The following EPS8L1 variants were observed in gnomAD, a reference collection of about 807,000 sequenced individuals.
The protein encoded by EPS8L1 is epidermal growth factor receptor kinase substrate 8-like protein 1.
Under a neutral mutation model 91.7 loss-of-function variants are expected in EPS8L1, and 101 were observed. The observed-to-expected ratio is 1.10, with a 90% CI of 0.94 to 1.30. EPS8L1 has a LOEUF of 1.30. Among genes scored for constraint, EPS8L1 ranks in the 50% most tolerant of loss-of-function variants. The pLI, the probability that EPS8L1 is intolerant of heterozygous loss-of-function variation, is 0.00. For missense variants in EPS8L1, 1,114 were observed against 1,017.0 expected, an observed-to-expected ratio of 1.10 and a Z score of -1.30; for synonymous variants, 506 against 445.3, an observed-to-expected ratio of 1.14 and a Z score of -1.72.
chr19:55,083,322 CG>C lies in EPS8L1; in HGVS notation c.1215-55del. The C allele has an allele frequency of 6.3e-7, 1 of 1,581,594 alleles. No individual in the cohort carries two copies. Among genetic ancestry groups the C allele is most frequent in the South Asian group, 1.1e-5 (1 of 88,406 alleles). On this transcript the variant is annotated intron_variant, in intron 12 of 19. Coordinates refer to ENST00000201647, the MANE Select transcript of EPS8L1 (RefSeq NM_133180.3). This position sits in a 1 kb window ranked among gnomAD's most constrained non-coding sequence, Gnocchi z 4.7. Reference sequence around the variant, plus strand: ...AAACTTAGTGAAGTTAATGCAGGAACGAAGTTGGGGGCTGTATCAGGATCCC... The same window carrying C: ...AAACTTAGTGAAGTTAATGCAGGAACAAGTTGGGGGCTGTATCAGGATCCC...
rs552338158 is a variant in EPS8L1, at chr19:55,082,130, G to T, written c.940G>T (p.Ala314Ser). ...GCTGCGGGCCAAGCCGCCCTCGGAG[G>T]CCGAGTACACCGACGTGCTGCAGAA... is the stretch of plus-strand genomic sequence containing the variant. ...LTLRAKPPSE[A>S]EYTDVLQKIK... Residue 314 changes from alanine (A) to serine (S), a missense_variant, in exon 10 of 20, where the codon GCC becomes TCC. Ala to Ser is a moderately conservative substitution (Grantham distance 99, BLOSUM62 1). Coordinates refer to ENST00000201647, the MANE Select transcript of EPS8L1 (RefSeq NM_133180.3). 60 of 1,603,542 alleles carry T rather than the reference G, an allele frequency of 3.7e-5. 1 individual carries two copies. In the South Asian group the frequency reaches 6.6e-4, roughly 18 times the overall value.
chr19:55,086,385 C>G lies in EPS8L1; in HGVS notation c.1651-7C>G, dbSNP rs750143018. ...TAACCCAGGTACTCTCCTCTCCTTC[C>G]TTTCAGAACAGCACTCCTCCTCCAC... On this transcript the variant is annotated splice_polypyrimidine_tract_variant and splice_region_variant and intron_variant, in intron 16 of 19. Transcript: ENST00000201647. The G allele has an allele frequency of 8.8e-6, 14 of 1,585,228 alleles. No homozygotes were observed. The South Asian group carries it at 1.6e-4, about 18-fold the overall frequency.
Position 55,081,584 on chromosome 19 carries a change from G to A in EPS8L1, c.774+92G>A. ...GGGCGGGGCCGGCTGCGGGACGGGC[G>A]TTCTCTGGTCAGACTTCTGCGTTAT... On this transcript the variant is annotated intron_variant, in intron 8 of 19. Coordinates refer to ENST00000201647, the MANE Select transcript of EPS8L1 (RefSeq NM_133180.3). This position sits in a 1 kb window ranked among gnomAD's most constrained non-coding sequence, Gnocchi z 4.9. 1.2e-5 allele frequency: 17 copies of A among 1,425,550 alleles called. No homozygotes were observed. The highest frequency in any genetic ancestry group is 1.5e-5 in the Non-Finnish European group (16 of 1,079,786). The allele number at this position is 1,425,550 out of a possible 1,614,324, so 88.3% of individuals were successfully genotyped here. A position where few individuals can be genotyped will look rare whatever the true frequency, so the allele number is the denominator to read the frequency against.
In EPS8L1 at chr19:55,087,847, G is replaced by C. The variant is rs1295429057; in HGVS notation, c.*233G>C. 5.4e-6 allele frequency: 3 copies of C among 556,128 alleles called. No individual in the cohort carries two copies. The highest frequency in any genetic ancestry group is 9.7e-6 in the Non-Finnish European group (3 of 308,934). The allele number at this position is 556,128 out of a possible 1,614,324, so 34.4% of individuals were successfully genotyped here. On this transcript the variant is annotated 3_prime_UTR_variant, in exon 20 of 20. Transcript: ENST00000201647. ...AGACAGTCTACGGAAAGCGCTAGCAGACCCCCGAGAGGGTGCAGTGGAGCC... is the reference window on the plus strand; with the variant it reads ...AGACAGTCTACGGAAAGCGCTAGCACACCCCCGAGAGGGTGCAGTGGAGCC...
Position 55,076,451 on chromosome 19 carries a change from AC to A in EPS8L1, c.9del (p.Ala4ProfsTer39), listed in dbSNP as rs1443563621. The A allele has an allele frequency of 6.2e-7, 1 of 1,612,248 alleles. No homozygotes were observed. MSTATGPEAAPKP... is the reference protein window; with the variant it reads MSXATGPEAAPKP... The stretch of plus-strand genomic sequence containing the variant: ...GGAGCTACCACTCAGCACCATGAGC[AC>A]CGCCACAGGGTAAGCGCCCCCGGAC... On this transcript the variant is annotated frameshift_variant, in exon 2 of 20. Transcript: ENST00000201647. LOFTEE classifies it high-confidence loss of function.
In EPS8L1 at chr19:55,083,798, C is replaced by G; in HGVS notation, c.1385+154C>G. On this transcript the variant is annotated intron_variant, in intron 14 of 19. Transcript: ENST00000201647. This position sits in a 1 kb window ranked among gnomAD's most constrained non-coding sequence, Gnocchi z 4.7. ...GAGATGGTGATGGGGCGGGCCGGGG[C>G]TGGGAGAGAGGGAGGAGCAGGGTGG... 7 of 218,386 alleles carry G rather than the reference C, an allele frequency of 3.2e-5. No homozygotes were observed. Among genetic ancestry groups the G allele is most frequent in the East Asian group, 1.5e-4 (1 of 6,486 alleles). 13.5% of individuals were successfully genotyped at this position (218,386 alleles called of 1,614,324 possible). A position where few individuals can be genotyped will look rare whatever the true frequency, so the allele number is the denominator to read the frequency against.
rs2076255401 is a variant in EPS8L1 at position 55,081,357 on chromosome 19, G to T, written c.639G>T (p.Gln213His). ...VERGAGRGRP[Q>H]AKPIPEAEEA... ...GGGGCGCGGGCCGCGGACGACCCCA[G>T]GCGAAGCCCATTCCCGAGGCAGAGG... The change falls in exon 8 of 20, where the codon CAG (glutamine) becomes CAT (histidine). Residue 213 changes from glutamine to histidine, a missense_variant. Physicochemically the swap from Gln to His is conservative, Grantham distance 24 (BLOSUM62 0). Transcript: ENST00000201647. The surrounding 1 kb of genome is among the most constrained non-coding windows in gnomAD (Gnocchi z 4.9). 30 of 1,567,044 alleles carry T rather than the reference G, an allele frequency of 1.9e-5. No individual in the cohort carries two copies. Among genetic ancestry groups the T allele is most frequent in the Non-Finnish European group, 2.4e-5 (28 of 1,160,240 alleles).
In EPS8L1 at chr19:55,081,902, A is replaced by G. The variant is rs765867437; in HGVS notation, c.901+3A>G. Reference sequence around the variant, plus strand: ...GAGCCGGCGCCGGGCGGCTGGGGGTAAGGGGCACCCTGGCGTGGGATCTGA... The same window carrying G: ...GAGCCGGCGCCGGGCGGCTGGGGGTGAGGGGCACCCTGGCGTGGGATCTGA... On this transcript the variant is annotated splice_donor_region_variant and intron_variant, in intron 9 of 19. Transcript: ENST00000201647. This position sits in a 1 kb window ranked among gnomAD's most constrained non-coding sequence, Gnocchi z 4.9. The G allele has an allele frequency of 3.1e-6, 5 of 1,606,702 alleles. No homozygotes were observed. Among genetic ancestry groups the G allele is most frequent in the Non-Finnish European group, 4.3e-6 (5 of 1,175,686 alleles).
chr19:55,086,626 C>G (rs2076355070), intron 17 of EPS8L1, 88 bp from the exon 18 acceptor site: 1 of 1,512,016 alleles, frequency 6.6e-7, no homozygotes, highest in Admixed American at 2.1e-5. Flanking sequence ...ATTCTGGGGA[C>G]GCTGGAGCGC....
rs763672973 is a variant in EPS8L1 at position 55,082,549 on chromosome 19, T to C, written c.1161T>C (p.Thr387=). The C allele has an allele frequency of 7.5e-6, 12 of 1,604,868 alleles. No individual in the cohort carries two copies. Among genetic ancestry groups the C allele is most frequent in the Non-Finnish European group, 1.0e-5 (12 of 1,176,404 alleles). Reference sequence around the variant, plus strand: ...TGGCGCTGCTGCGGGACAACGTCACTCCACGTGAAAACGAGCTCTGGACCT... The same window carrying C: ...TGGCGCTGCTGCGGGACAACGTCACCCCACGTGAAAACGAGCTCTGGACCT... The part of the protein sequence containing the change: ...DAVALLRDNV[T]PRENELWTSL... Residue 387 remains threonine, a synonymous_variant, in exon 12 of 20, where the codon ACT becomes ACC. Coordinates refer to ENST00000201647, the MANE Select transcript of EPS8L1 (RefSeq NM_133180.3).
At chr19:55,079,905 T>A (rs2076218203) in intron 5 of EPS8L1, 54 bp downstream of exon 5, 3 of 1,538,942 alleles carry the variant, frequency 1.9e-6, no homozygotes, top group Non-Finnish European at 8.8e-7. Flanking sequence ...CTTCAGGGGG[T>A]CTGGGTGTGA....
chr19:55,077,340 G>C (rs57336055), intron 2 of EPS8L1, among the ~76,000 whole-genome samples: 1 of 152,030 alleles, frequency 6.6e-6, no homozygotes, highest in Non-Finnish European at 1.5e-5. Context: ...AGCATCTTAA[G>C]AATGATAATA....
intron 3 of EPS8L1, 59 bp from the exon 4 acceptor site, chr19:55,078,939 GT>G: frequency 6.3e-7 from 1 of 1,575,302 alleles, no homozygotes; most frequent in South Asian, 1.1e-5. Context: ...GGACTCCTGG[GT>G]CTGATGGAGG....
At chr19:55,079,891 G>A in intron 5 of EPS8L1, 40 bp downstream of exon 5, 3 of 1,564,726 alleles carry the variant, frequency 1.9e-6, no homozygotes, top group Middle Eastern at 3.6e-4. Context: ...GTCTGGGGCA[G>A]GGACTTCAGG....
intron 4 of EPS8L1, 159 bp from the exon 5 acceptor site, chr19:55,079,531 G>GC: frequency 1.2e-6 from 1 of 812,792 alleles, no homozygotes; most frequent in Non-Finnish European, 1.9e-6. Flanking sequence ...GAAACAAAGG[G>GC]CACTGGGAGG....
At chr19:55,085,254 C>T (rs1285330386) in intron 14 of EPS8L1, among the ~76,000 whole-genome samples, 2 of 152,314 alleles carry the variant, frequency 1.3e-5, no homozygotes, top group African/African-American at 2.4e-5. Flanking sequence ...CAACTTCTGC[C>T]TGCCAGGTTC....
rs1323564229 is a variant in EPS8L1, at chr19:55,087,547, A to G, written c.2105A>G (p.Glu702Gly). Reference protein sequence around the residue: ...SLLEDKEKVSELEAVMEKQKK... With the variant: ...SLLEDKEKVSGLEAVMEKQKK... ...CTCCAGGACAAAGAGAAAGTGTCAGAGCTGGAGGCAGTGATGGAGAAGCAA... is the reference window on the plus strand; with the variant it reads ...CTCCAGGACAAAGAGAAAGTGTCAGGGCTGGAGGCAGTGATGGAGAAGCAA... Residue 702 changes from glutamate to glycine, a missense_variant, in exon 20 of 20, where the codon GAG becomes GGG. Glu to Gly is a moderately conservative substitution (Grantham distance 98, BLOSUM62 -2). Coordinates refer to ENST00000201647, the MANE Select transcript of EPS8L1 (RefSeq NM_133180.3). 4.3e-6 allele frequency: 7 copies of G among 1,613,998 alleles called. No individual in the cohort carries two copies. In the South Asian group the frequency reaches 7.7e-5, roughly 18 times the overall value.
At chr19:55,086,621 G>C (rs1003395935) in intron 17 of EPS8L1, 93 bp from the exon 18 acceptor site, 20 of 1,525,798 alleles carry the variant, frequency 1.3e-5, no homozygotes, top group Non-Finnish European at 1.7e-5. Context: ...GTCCCATTCT[G>C]GGGACGCTGG....
chr19:55,085,935 A>G lies in EPS8L1; in HGVS notation c.1480A>G (p.Ser494Gly), dbSNP rs778722403. ...TAATTATGACTTCCAGGCCCGCAAC[A>G]GCAGTGAGCTGTCGGTCAAGCAGCG... ...LCNYDFQARNSSELSVKQRDV... is the reference protein window; with the variant it reads ...LCNYDFQARNGSELSVKQRDV... Residue 494 changes from serine (S) to glycine (G), a missense_variant, in exon 15 of 20, where the codon AGC (serine) becomes GGC (glycine). Physicochemically the swap from Ser to Gly is moderately conservative, Grantham distance 56. Coordinates refer to ENST00000201647, the MANE Select transcript of EPS8L1 (RefSeq NM_133180.3). The G allele has an allele frequency of 1.8e-5, 29 of 1,613,674 alleles. No individual in the cohort carries two copies. The South Asian group carries it at 3.0e-4, about 16-fold the overall frequency.
Sources: gnomAD v4.1 joint callset for allele counts (sites outside exome capture counted in the v4.1 genomes callset) on GRCh38, gnomAD v4.1.1 for gene constraint, Gnocchi (gnomAD v3.1) non-coding constraint, MANE v1.5 for transcripts, NCBI Gene and HGNC (gene_info 2026-07-23, HGNC 2026-07-21) for gene names.